Variants in ZNF45 observed in about 807,000 individuals in gnomAD.
ZNF45 encodes zinc finger protein 45.
In ZNF45, 4 loss-of-function variants were observed where a neutral mutation model predicts 12.0. That is an observed-to-expected ratio of 0.33 (90% CI 0.16 to 0.76). The LOEUF (loss-of-function observed/expected upper bound fraction) is 0.76. ZNF45 is among the 30% of genes least tolerant of loss of function. ZNF45 has a pLI of 0.60. For synonymous variants in ZNF45, 272 were observed against 279.6 expected (o/e 0.97, Z 0.27); for missense variants, 700 against 813.0 (o/e 0.86, Z 1.69).
At position 43,913,906 on chromosome 19, in the gene ZNF45, A is replaced by C. The variant is rs1972411709; in HGVS notation, c.1530T>G (p.Ser510Arg). The change falls in exon 10 of 10, where the codon AGT becomes AGG. Residue 510 changes from serine to arginine, a missense_variant. Transcript: ENST00000269973. ...GATGCACCTGAAGGCTGGAGAACTG[A>C]CTGAAGGCCTTACCACACCTCTCGC... ...YKCERCGKAFSQFSSLQVHQR... is the reference protein window; with the variant it reads ...YKCERCGKAFRQFSSLQVHQR... 1.9e-6 allele frequency: 3 copies of C among 1,600,558 alleles called. No homozygotes were observed. Among genetic ancestry groups the C allele is most frequent in the Non-Finnish European group, 2.6e-6 (3 of 1,171,414 alleles).
In ZNF45 at chr19:43,924,277, G is replaced by A. The variant is rs1042195865; in HGVS notation, c.-72C>T. 6.6e-6 allele frequency: 1 copy of A among 152,158 alleles called. No homozygotes were observed. 9.4% of individuals were successfully genotyped at this position (152,158 alleles called of 1,614,324 possible). A position where few individuals can be genotyped will look rare whatever the true frequency, so the allele number is the denominator to read the frequency against. On this transcript the variant is annotated 5_prime_UTR_variant, in exon 6 of 10. Coordinates refer to ENST00000269973, the MANE Select transcript of ZNF45 (RefSeq NM_003425.4). ...CTGTTGTATCAGTTGTGTGACCTTG[G>A]TCCAAACACCTAAACTTCTGTGCCT...
Position 43,918,880 on chromosome 19 carries a change from A to C in ZNF45, c.225T>G (p.Asp75Glu), listed in dbSNP as rs368691981. The C allele has an allele frequency of 5.0e-5, 81 of 1,613,900 alleles. No homozygotes were observed. The highest frequency in any genetic ancestry group is 6.4e-5 in the Non-Finnish European group (76 of 1,179,902). ...LWMMKMATQR[D>E]NSSGAKNLKE... ...CCAGCCCCTCCTCACCTGAGGAGTT[A>C]TCTCTCTGGGTTGCCATCTTCATCA... The change falls in exon 9 of 10, where the codon GAT becomes GAG. Residue 75 changes from aspartate to glutamate, a missense_variant. Asp to Glu is a conservative substitution (Grantham distance 45). Transcript: ENST00000269973.
chr19:43,934,730 GA>G (rs1343120502), intron 1 of ZNF45, 36 bp from the exon 2 acceptor site: 1 of 152,212 alleles, frequency 6.6e-6, no homozygotes, highest in African/African-American at 2.4e-5. Flanking sequence ...GGCGCTTGCT[GA>G]AAAATGAATA....
At chr19:43,919,489 T>G in intron 8 of ZNF45, 84 bp downstream of exon 8, 1 of 1,484,454 alleles carries the variant, frequency 6.7e-7, no homozygotes, top group Non-Finnish European at 9.0e-7. Context: ...GAAAACCAGT[T>G]CAAGAGCTCC....
chr19:43,913,560 A>G lies in ZNF45; in HGVS notation c.1876T>C (p.Tyr626His). 1.3e-5 allele frequency: 21 copies of G among 1,603,504 alleles called. No individual in the cohort carries two copies. Among genetic ancestry groups the G allele is most frequent in the Non-Finnish European group, 1.6e-5 (19 of 1,175,976 alleles). The change falls in exon 10 of 10, where the codon TAC (tyrosine) becomes CAC (histidine). Residue 626 changes from tyrosine to histidine, a missense_variant. By Grantham distance (83) the Tyr-to-His change is moderately conservative. Coordinates refer to ENST00000269973, the MANE Select transcript of ZNF45 (RefSeq NM_003425.4). ...ECGKVFSWSS[Y>H]LQAHQRVHTG... ...TGAACTCTTTGATGGGCTTGAAGGT[A>G]TGAGCTCCAGCTGAAGACTTTCCCA... is the stretch of plus-strand genomic sequence containing the variant.
chr19:43,931,552 CATATAT>C (rs34720014), intron 3 of ZNF45, among the ~76,000 whole-genome samples: 1 of 150,550 alleles, frequency 6.6e-6, no homozygotes, highest in African/African-American at 2.4e-5. Context: ...AAAATGTATA[CATATAT>C]ATATATACCT....
intron 9 of ZNF45, among the ~76,000 whole-genome samples, chr19:43,917,275 G>A (rs1004539745): frequency 2.0e-5 from 3 of 152,134 alleles, no homozygotes; most frequent in African/African-American, 7.2e-5. Flanking sequence ...GATATAAAAT[G>A]TATTTCTTAT....
rs756241689 is a variant in ZNF45 at position 43,914,569 on chromosome 19, T to G, written c.867A>C (p.Ser289=). 1.7e-5 allele frequency: 27 copies of G among 1,612,824 alleles called. No homozygotes were observed. Among genetic ancestry groups the G allele is most frequent in the Non-Finnish European group, 2.3e-5 (27 of 1,178,998 alleles). ...GAACTTTCAGATGAACTTGAAGATATGATCTCTGACTGAAGCCCACCCCAC... is the reference window on the plus strand; with the variant it reads ...GAACTTTCAGATGAACTTGAAGATAGGATCTCTGACTGAAGCCCACCCCAC... ...EECGVGFSQR[S]YLQVHLKVHT... Residue 289 remains serine, a synonymous_variant, in exon 10 of 10, where the codon TCA becomes TCC. Transcript: ENST00000269973.
intron 9 of ZNF45, 131 bp from the exon 10 acceptor site, chr19:43,915,331 T>C (rs2146740855): frequency 3.3e-6 from 3 of 909,224 alleles, no homozygotes; most frequent in Middle Eastern, 3.8e-4. Context: ...GCCTACTGCA[T>C]AGACATCTGA....
chr19:43,917,634 C>T (rs959841479), intron 9 of ZNF45, among the ~76,000 whole-genome samples: 6 of 152,094 alleles, frequency 3.9e-5, no homozygotes, highest in Admixed American at 6.6e-5. Flanking sequence ...TACAGGTATG[C>T]GCCACCATGC....
At chr19:43,917,133 T>C (rs1433821986) in intron 9 of ZNF45, among the ~76,000 whole-genome samples, 1 of 152,248 alleles carries the variant, frequency 6.6e-6, no homozygotes, top group Non-Finnish European at 1.5e-5. Flanking sequence ...TAAATTCAGT[T>C]GCTTGTGACA....
At chr19:43,920,402 C>T (rs115509579) in intron 7 of ZNF45, among the ~76,000 whole-genome samples, 2,174 of 151,244 alleles carry the variant, frequency 0.014, 22 homozygotes, top group African/African-American at 0.035. Flanking sequence ...CTGTCTTGGG[C>T]GGGATAGTTG....
chr19:43,924,806 G>A (rs1220648656), intron 4 of ZNF45, among the ~76,000 whole-genome samples: 1 of 152,160 alleles, frequency 6.6e-6, no homozygotes, highest in Non-Finnish European at 1.5e-5. Flanking sequence ...CTATAAACTG[G>A]ATGTAATAAT....
intron 9 of ZNF45, among the ~76,000 whole-genome samples, chr19:43,918,469 A>G (rs1342036751): frequency 1.3e-5 from 2 of 152,178 alleles, no homozygotes; most frequent in Non-Finnish European, 2.9e-5. Context: ...GTGCCCTTAT[A>G]AAAGAGGCCT....
intron 7 of ZNF45, among the ~76,000 whole-genome samples, chr19:43,919,978 G>A (rs868674058): frequency 9.2e-5 from 14 of 152,074 alleles, no homozygotes; most frequent in Admixed American, 7.9e-4. Context: ...CAAAGAATAT[G>A]CAACTTCCAA....
chr19:43,928,313 G>A (rs1236277845), intron 3 of ZNF45, among the ~76,000 whole-genome samples: 1 of 151,788 alleles, frequency 6.6e-6, no homozygotes, highest in Non-Finnish European at 1.5e-5. Flanking sequence ...GGAGCTAAAT[G>A]ATGAGAATAC....
rs1258521194 is a variant in ZNF45, at chr19:43,914,413, A to G, written c.1023T>C (p.Phe341=). 1 of 1,609,076 alleles carries G rather than the reference A, an allele frequency of 6.2e-7. No homozygotes were observed. The highest frequency in any genetic ancestry group is 1.7e-5 in the Admixed American group (1 of 59,712). Residue 341 remains phenylalanine (F), a synonymous_variant, in exon 10 of 10, where the codon TTT becomes TTC. Transcript: ENST00000269973. ...GAATATTAAGGTGTGAGCTGTAACTAAAGCTCTTGCCACATGCATTGCATT... is the reference window on the plus strand; with the variant it reads ...GAATATTAAGGTGTGAGCTGTAACTGAAGCTCTTGCCACATGCATTGCATT... ...PYKCNACGKS[F]SYSSHLNIHC...
chr19:43,928,947 G>A (rs1353359208), intron 3 of ZNF45, among the ~76,000 whole-genome samples: 2 of 152,356 alleles, frequency 1.3e-5, no homozygotes, highest in East Asian at 3.9e-4. Flanking sequence ...TTCTTCACAT[G>A]TAGTATCTCA....
chr19:43,913,480 G>A lies in ZNF45; in HGVS notation c.1956C>T (p.Ser652=). ...CTCGCTGATGAATGATAAGACTTGA[G>A]CTCCAACTGAAGCCCTTCCCACACT... ...CEECGKGFSW[S]SSLIIHQRVH... is the part of the protein sequence containing the mutation. Residue 652 remains serine, a synonymous_variant, in exon 10 of 10, where the codon AGC becomes AGT. Transcript: ENST00000269973. 1 of 1,613,130 alleles carries A rather than the reference G, an allele frequency of 6.2e-7. No homozygotes were observed. The highest frequency in any genetic ancestry group is 1.1e-5 in the South Asian group (1 of 90,936).
Sources: gnomAD v4.1 joint callset for allele counts (sites outside exome capture counted in the v4.1 genomes callset) on GRCh38, gnomAD v4.1.1 for gene constraint, MANE v1.5 for transcripts, NCBI Gene and HGNC (gene_info 2026-07-23, HGNC 2026-07-21) for gene names.